The following SLC39A9 variants were observed in gnomAD, a reference collection of about 807,000 sequenced individuals.
SLC39A9 encodes solute carrier family 39 member 9, also known as zinc transporter ZIP9.
In SLC39A9, 14 loss-of-function variants were observed where a neutral mutation model predicts 28.4. That is an observed-to-expected ratio of 0.49 (90% CI 0.33 to 0.77). The LOEUF (loss-of-function observed/expected upper bound fraction) is 0.77. SLC39A9 is among the 30% of genes least tolerant of loss of function. The pLI is 0.02. For synonymous variants in SLC39A9, 119 were observed against 149.6 expected, an observed-to-expected ratio of 0.80 and a Z score of 1.49; for missense variants, 283 against 381.1, an observed-to-expected ratio of 0.74 and a Z score of 2.14.
rs967189566 is a variant in SLC39A9 at position 69,459,150 on chromosome 14, T to C, written c.*557T>C. 13 of 985,944 alleles carry C rather than the reference T, an allele frequency of 1.3e-5. No individual in the cohort carries two copies. In the South Asian group the frequency reaches 1.4e-4, roughly 11 times the overall value. The allele number at this position is 985,944 out of a possible 1,614,324, so 61.1% of individuals were successfully genotyped here. A position where few individuals can be genotyped will look rare whatever the true frequency, so the allele number is the denominator to read the frequency against. ...TCTGGGATTAGGGTCAGGAAAATGATAGCAAGACACATTGAAAGCTCTCTT... is the reference window on the plus strand; with the variant it reads ...TCTGGGATTAGGGTCAGGAAAATGACAGCAAGACACATTGAAAGCTCTCTT... On this transcript the variant is annotated 3_prime_UTR_variant, in exon 7 of 7. Coordinates refer to ENST00000336643, the MANE Select transcript of SLC39A9 (RefSeq NM_018375.5).
intron 3 of SLC39A9, among the ~76,000 whole-genome samples, chr14:69,444,179 AG>A (rs1184017563): frequency 6.6e-6 from 1 of 152,162 alleles, no homozygotes; most frequent in African/African-American, 2.4e-5. Context: ...CAAGAGAACA[AG>A]ATCCCATCTC....
intron 1 of SLC39A9, among the ~76,000 whole-genome samples, chr14:69,399,795 A>C (rs1412227928): frequency 6.6e-6 from 1 of 152,188 alleles, no homozygotes; most frequent in Non-Finnish European, 1.5e-5. Flanking sequence ...GTTTCATGGA[A>C]TCAAGATTCC....
chr14:69,424,544 A>T (rs760700417), intron 2 of SLC39A9, among the ~76,000 whole-genome samples: 14 of 152,074 alleles, frequency 9.2e-5, no homozygotes, highest in Non-Finnish European at 1.6e-4. Flanking sequence ...ATATATAGAT[A>T]TAAATATTTA....
At chr14:69,458,328 C>CT in intron 6 of SLC39A9, 35 bp from the exon 7 acceptor site, 1 of 1,607,324 alleles carries the variant, frequency 6.2e-7, no homozygotes, top group South Asian at 1.1e-5. Context: ...TTTTACTTGA[C>CT]TTAGTTTTTC....
chr14:69,435,670 C>T (rs1884706601), intron 2 of SLC39A9, among the ~76,000 whole-genome samples: 1 of 151,972 alleles, frequency 6.6e-6, no homozygotes, highest in Non-Finnish European at 1.5e-5. Context: ...CCTTTCCAGT[C>T]TACTATTTTC....
chr14:69,437,998 C>T (rs1332064535), intron 2 of SLC39A9, among the ~76,000 whole-genome samples: 1 of 150,978 alleles, frequency 6.6e-6, no homozygotes, highest in Non-Finnish European at 1.5e-5. Context: ...GCTTTACTCT[C>T]TCTTTTCTTA....
chr14:69,459,274 A>G lies in SLC39A9; in HGVS notation c.*681A>G, dbSNP rs530018193. 14 of 985,408 alleles carry G rather than the reference A, an allele frequency of 1.4e-5. No homozygotes were observed. The African/African-American group carries it at 2.4e-4, about 17-fold the overall frequency. The allele number at this position is 985,408 out of a possible 1,614,324, so 61.0% of individuals were successfully genotyped here. A position where few individuals can be genotyped will look rare whatever the true frequency, so the allele number is the denominator to read the frequency against. The stretch of plus-strand genomic sequence containing the variant: ...CTGAATCCAGCCTGCCATTCCATCA[A>G]ATGGAGCAGGAGAGGTGGGAGGAGC... On this transcript the variant is annotated 3_prime_UTR_variant, in exon 7 of 7. Transcript: ENST00000336643.
intron 1 of SLC39A9, among the ~76,000 whole-genome samples, chr14:69,408,045 GCT>G (rs1009643521): frequency 4.7e-5 from 7 of 150,342 alleles, no homozygotes; most frequent in Non-Finnish European, 8.9e-5. Context: ...ATGGAGTCTT[GCT>G]CTGTTGCCCA....
At chr14:69,456,747 C>G (rs183331290) in intron 6 of SLC39A9, among the ~76,000 whole-genome samples, 1 of 152,302 alleles carries the variant, frequency 6.6e-6, no homozygotes. Flanking sequence ...CCCCAACACC[C>G]TCTCTAAAGG....
intron 1 of SLC39A9, among the ~76,000 whole-genome samples, chr14:69,414,273 CTT>C (rs1397906952): frequency 1.3e-5 from 2 of 152,142 alleles, no homozygotes; most frequent in African/African-American, 2.4e-5. Flanking sequence ...GTCTCGAACT[CTT>C]TTCCTGCTTT....
At chr14:69,452,648 C>T (rs948139912) in intron 3 of SLC39A9, among the ~76,000 whole-genome samples, 3 of 151,838 alleles carry the variant, frequency 2.0e-5, no homozygotes, top group Non-Finnish European at 2.9e-5. Flanking sequence ...TGTTTTCAAA[C>T]GATGAATCTG....
chr14:69,439,297 G>A (rs1473899770), intron 2 of SLC39A9, among the ~76,000 whole-genome samples: 5 of 151,872 alleles, frequency 3.3e-5, no homozygotes, highest in Non-Finnish European at 7.4e-5. Flanking sequence ...AAACCTACAC[G>A]TTGCGCACAT....
At chr14:69,406,969 GC>G (rs1048447765) in intron 1 of SLC39A9, among the ~76,000 whole-genome samples, 1 of 143,830 alleles carries the variant, frequency 7.0e-6, no homozygotes, top group Non-Finnish European at 1.5e-5. Flanking sequence ...TCCTGCCTCA[GC>G]CCCCCCAGTA....
chr14:69,415,573 A>G (rs978597109), intron 1 of SLC39A9, among the ~76,000 whole-genome samples: 4 of 152,140 alleles, frequency 2.6e-5, no homozygotes, highest in Admixed American at 2.6e-4. Flanking sequence ...TACCCCAACC[A>G]CTGGAATACT....
Position 69,459,697 on chromosome 14 carries a change from A to G in SLC39A9, c.*1104A>G. The G allele has an allele frequency of 1.0e-6, 1 of 985,052 alleles. No individual in the cohort carries two copies. The highest frequency in any genetic ancestry group is 1.2e-6 in the Non-Finnish European group (1 of 829,724). 61.0% of individuals were successfully genotyped at this position (985,052 alleles called of 1,614,324 possible). A position where few individuals can be genotyped will look rare whatever the true frequency, so the allele number is the denominator to read the frequency against. ...GATCATAAATGAGAAGTGTTTGCCT[A>G]TTGATTTAAAGCTTATTGGAATCAT... On this transcript the variant is annotated 3_prime_UTR_variant, in exon 7 of 7. Transcript: ENST00000336643.
In SLC39A9 at chr14:69,421,251, G is replaced by C. The variant is rs188431091; in HGVS notation, c.97-2843G>C. ...TTAACAGTTTTCCTTCTAACAGTCA[G>C]GTCCCTCAGCTGCAGGTCTGTTGGA... On this transcript the variant is annotated intron_variant, in intron 1 of 6. Coordinates refer to ENST00000336643, the MANE Select transcript of SLC39A9 (RefSeq NM_018375.5). Among the ~76,000 whole-genome samples, 3 of 152,274 alleles carry C rather than the reference G, an allele frequency of 2.0e-5. No homozygotes were observed. The East Asian group carries it at 5.8e-4, about 29-fold the overall frequency.
intron 1 of SLC39A9, among the ~76,000 whole-genome samples, chr14:69,421,150 G>T (rs12883441): frequency 0.14 from 20,735 of 152,224 alleles, 1,487 homozygotes; most frequent in East Asian, 0.18. Flanking sequence ...TTTGGTCTTT[G>T]ATGATGGTCA....
intron 3 of SLC39A9, among the ~76,000 whole-genome samples, chr14:69,447,978 G>A (rs1451025142): frequency 1.3e-5 from 2 of 151,188 alleles, no homozygotes; most frequent in African/African-American, 4.9e-5. Flanking sequence ...ACTTTGGGAG[G>A]CCGAGGCAGG....
intron 2 of SLC39A9, among the ~76,000 whole-genome samples, chr14:69,434,579 A>G (rs960625824): frequency 2.0e-5 from 3 of 152,106 alleles, no homozygotes; most frequent in Non-Finnish European, 4.4e-5. Flanking sequence ...AGGTGGGCGC[A>G]GTGACACACA....
Sources: allele counts gnomAD v4.1 joint callset (sites outside exome capture counted in the v4.1 genomes callset), GRCh38; gene constraint gnomAD v4.1.1; transcripts MANE v1.5; gene names NCBI Gene and HGNC (gene_info 2026-07-23, HGNC 2026-07-21).